The following IGF1R variants were observed in gnomAD, a reference collection of about 807,000 sequenced individuals.
IGF1R encodes the protein insulin-like growth factor 1 receptor.
IGF1R carries 44 observed loss-of-function variants against 144.6 expected under a neutral mutation model. That is an observed-to-expected ratio of 0.30 (90% CI 0.24 to 0.39). IGF1R has a LOEUF of 0.39. IGF1R is among the 10% of genes least tolerant of loss of function. The pLI is 1.00. For missense variants in IGF1R, 1,355 were observed against 1,833.7 expected, an observed-to-expected ratio of 0.74 and a Z score of 4.77; for synonymous variants, 795 against 722.8, an observed-to-expected ratio of 1.10 and a Z score of -1.60.
At chr15:98,881,778 T>C (rs1434559923) in intron 2 of IGF1R, among the ~76,000 whole-genome samples, 1 of 152,170 alleles carries the variant, frequency 6.6e-6, no homozygotes, top group East Asian at 1.9e-4. Context: ...CATTTGGTCA[T>C]GTACAAATGA....
chr15:98,932,811 A>G (rs572655563), intron 15 of IGF1R, among the ~76,000 whole-genome samples: 2 of 152,338 alleles, frequency 1.3e-5, no homozygotes, highest in East Asian at 3.9e-4. Flanking sequence ...CATACGTACT[A>G]TGAAATACAA....
chr15:98,768,140 C>T (rs1281883114), intron 2 of IGF1R, among the ~76,000 whole-genome samples: 2 of 152,144 alleles, frequency 1.3e-5, no homozygotes, highest in Non-Finnish European at 2.9e-5. Context: ...CCTTTCTCCA[C>T]AGTTCTGTTC....
chr15:98,816,708 C>G lies in IGF1R; in HGVS notation c.641-74617C>G, dbSNP rs59686085. On this transcript the variant is annotated intron_variant, in intron 2 of 20. Coordinates refer to ENST00000650285, the MANE Select transcript of IGF1R (RefSeq NM_000875.5). ...GAGTGTAAGAATATGAATAGCTACT[C>G]GCTGTGGATATTGCAGTTAATTACT... Among the ~76,000 whole-genome samples the G allele has an allele frequency of 3.5e-3, 529 of 152,336 alleles. 4 individuals carry two copies. Among genetic ancestry groups the G allele is most frequent in the African/African-American group, 0.012 (490 of 41,558 alleles).
intron 15 of IGF1R, among the ~76,000 whole-genome samples, chr15:98,932,776 A>G (rs1348145576): frequency 6.6e-6 from 1 of 152,238 alleles, no homozygotes; most frequent in East Asian, 1.9e-4. Flanking sequence ...TGGAGGGCAG[A>G]GTTCCATTCG....
intron 2 of IGF1R, among the ~76,000 whole-genome samples, chr15:98,825,371 C>T (rs987134789): frequency 2.0e-5 from 3 of 152,188 alleles, no homozygotes; most frequent in East Asian, 1.9e-4. Flanking sequence ...CTCATCTTTC[C>T]GTATACTTTA....
At chr15:98,821,027 T>C (rs1253866246) in intron 2 of IGF1R, 1 of 152,204 alleles carries the variant, frequency 6.6e-6, no homozygotes, top group African/African-American at 2.4e-5. Flanking sequence ...TGCAATGTGT[T>C]TTTTATGTAA....
At chr15:98,875,349 C>CTTTTT (rs34303390) in intron 2 of IGF1R, among the ~76,000 whole-genome samples, 33 of 130,140 alleles carry the variant, frequency 2.5e-4, no homozygotes, top group Non-Finnish European at 2.9e-4. Flanking sequence ...CTTTTCTTTT[C>CTTTTT]TTTTTTTTTT....
chr15:98,827,167 A>G (rs141614322), intron 2 of IGF1R, among the ~76,000 whole-genome samples: 122 of 152,330 alleles, frequency 8.0e-4, no homozygotes, highest in Non-Finnish European at 1.2e-3. Context: ...TGAATAACAA[A>G]TAAACATGAC....
At chr15:98,853,701 C>G (rs2011636849) in intron 2 of IGF1R, among the ~76,000 whole-genome samples, 1 of 152,218 alleles carries the variant, frequency 6.6e-6, no homozygotes, top group African/African-American at 2.4e-5. Context: ...GTAGGAATTT[C>G]AGGAACATGT....
chr15:98,816,902 T>C (rs1257366652), intron 2 of IGF1R, among the ~76,000 whole-genome samples: 2 of 152,226 alleles, frequency 1.3e-5, no homozygotes, highest in East Asian at 1.9e-4. Flanking sequence ...TGCCCGGTTG[T>C]ATGGATCTGA....
At chr15:98,691,785 C>T (rs2053483182) in intron 1 of IGF1R, among the ~76,000 whole-genome samples, 1 of 152,190 alleles carries the variant, frequency 6.6e-6, no homozygotes, top group Non-Finnish European at 1.5e-5. Context: ...ACCTTCACCA[C>T]CTGGATGAGG....
rs138000526 is a variant in IGF1R at position 98,788,582 on chromosome 15, C to T, written c.640+80475C>T. Among the ~76,000 whole-genome samples the T allele has an allele frequency of 2.0e-5, 3 of 152,292 alleles. No individual in the cohort carries two copies. In the East Asian group the frequency reaches 5.8e-4, roughly 29 times the overall value. On this transcript the variant is annotated intron_variant, in intron 2 of 20. Coordinates refer to ENST00000650285, the MANE Select transcript of IGF1R (RefSeq NM_000875.5). ...TTCCCTGTTTGGGGGAGTCTTTTCC[C>T]TGAATGCATGTAAATAACTTCACAG...
chr15:98,709,386 T>C (rs746648657), intron 2 of IGF1R, among the ~76,000 whole-genome samples: 50 of 152,174 alleles, frequency 3.3e-4, no homozygotes, highest in Non-Finnish European at 4.9e-4. Flanking sequence ...TATGTGAACA[T>C]TGATTAGTGA....
At chr15:98,845,216 C>T (rs1056313335) in intron 2 of IGF1R, among the ~76,000 whole-genome samples, 1 of 152,166 alleles carries the variant, frequency 6.6e-6, no homozygotes, top group African/African-American at 2.4e-5. Flanking sequence ...TGTAGACACT[C>T]TGACTTTCCT....
intron 2 of IGF1R, among the ~76,000 whole-genome samples, chr15:98,759,989 G>T (rs1462930432): frequency 6.6e-6 from 1 of 152,180 alleles, no homozygotes; most frequent in Non-Finnish European, 1.5e-5. Flanking sequence ...ATTTTGCTTG[G>T]TTATTGTGTG....
At chr15:98,755,267 C>T (rs763405905) in intron 2 of IGF1R, among the ~76,000 whole-genome samples, 21 of 151,700 alleles carry the variant, frequency 1.4e-4, no homozygotes, top group Non-Finnish European at 2.2e-4. Flanking sequence ...GAGTTTGAAA[C>T]GAGTTAAAAT....
Position 98,959,854 on chromosome 15 carries a change from TAA to T in IGF1R, c.*2425_*2426del, listed in dbSNP as rs398028512. ...TCTCTATCCCATAGCGTGTTCCCTT[TAA>T]AAAAAAAAAAAAGGTATTATATGTA... On this transcript the variant is annotated 3_prime_UTR_variant, in exon 21 of 21. Transcript: ENST00000650285. The T allele has an allele frequency of 0.026, 5,443 of 210,432 alleles. 2 individuals carry two copies. The highest frequency in any genetic ancestry group is 0.042 in the Middle Eastern group (28 of 662). The allele number at this position is 210,432 out of a possible 1,614,324, so 13.0% of individuals were successfully genotyped here.
rs900530529 is a variant in IGF1R, at chr15:98,765,539, G to A, written c.640+57432G>A. ...GAGTGTTGCCATGTTGGCCAGGCTC[G>A]TCTCGAACTCCTGGCATCAAGTGAT... On this transcript the variant is annotated intron_variant, in intron 2 of 20. Coordinates refer to ENST00000650285, the MANE Select transcript of IGF1R (RefSeq NM_000875.5). Among the ~76,000 whole-genome samples the A allele has an allele frequency of 6.6e-5, 10 of 151,462 alleles. No homozygotes were observed. The East Asian group carries it at 1.6e-3, about 24-fold the overall frequency.
rs2017237402 is a variant in IGF1R, at chr15:98,961,812, C to T, written c.*4370C>T. 2 of 233,392 alleles carry T rather than the reference C, an allele frequency of 8.6e-6. No homozygotes were observed. Among genetic ancestry groups the T allele is most frequent in the Non-Finnish European group, 1.7e-5 (2 of 118,088 alleles). The allele number at this position is 233,392 out of a possible 1,614,324, so 14.5% of individuals were successfully genotyped here. On this transcript the variant is annotated 3_prime_UTR_variant, in exon 21 of 21. Coordinates refer to ENST00000650285, the MANE Select transcript of IGF1R (RefSeq NM_000875.5). ...TTTGACATACCTTTGGAACGAGCCT[C>T]CTCCTTGGAAGATGGAAGACCGTGT...
Sources: gnomAD v4.1 joint callset for allele counts (sites outside exome capture counted in the v4.1 genomes callset) on GRCh38, gnomAD v4.1.1 for gene constraint, MANE v1.5 for transcripts, NCBI Gene and HGNC (gene_info 2026-07-23, HGNC 2026-07-21) for gene names.